Variants in SSPN observed in about 807,000 individuals in gnomAD.
SSPN encodes sarcospan, also known as K-ras oncogene-associated protein.
A neutral mutation model predicts 19.1 loss-of-function variants in SSPN; 15 were observed. That is an observed-to-expected ratio of 0.78 (90% CI 0.52 to 1.21). The LOEUF (loss-of-function observed/expected upper bound fraction) is 1.21. Among genes scored for constraint, SSPN ranks in the 50% most tolerant of loss-of-function variants. The probability of loss-of-function intolerance (pLI) is 0.00; values close to 1 mark genes in which losing one functional copy is unlikely to be tolerated. For synonymous variants in SSPN, 147 were observed against 140.3 expected (o/e 1.05, Z -0.34); for missense variants, 291 against 314.0 (o/e 0.93, Z 0.55).
intron 1 of SSPN, among the ~76,000 whole-genome samples, chr12:26,157,725 T>C (rs1020700826): frequency 1.3e-5 from 2 of 152,204 alleles, no homozygotes; most frequent in Admixed American, 1.3e-4. Context: ...CATTCTGCTC[T>C]GACAAAATTA....
chr12:26,173,537 G>T (rs1233037270), intron 1 of SSPN, among the ~76,000 whole-genome samples: 1 of 152,076 alleles, frequency 6.6e-6, no homozygotes, highest in Non-Finnish European at 1.5e-5. Flanking sequence ...TTCATATGCT[G>T]ATATCTTCTT....
At chr12:26,125,311 G>A in intron 1 of SSPN, 1 of 222,698 alleles carries the variant, frequency 4.5e-6, no homozygotes, top group Non-Finnish European at 9.0e-6. Context: ...AGGGGTGCGG[G>A]GCAGCCTGAG....
At chr12:26,195,156 A>G (rs1438351888), upstream of SSPN, among the ~76,000 whole-genome samples, 1 of 152,218 alleles carries the variant, frequency 6.6e-6, no homozygotes, top group Admixed American at 6.5e-5. Flanking sequence ...TAGGAAAGTA[A>G]CAACGACTTA....
At chr12:26,156,181 G>A (rs993889346) in intron 1 of SSPN, among the ~76,000 whole-genome samples, 2 of 152,166 alleles carry the variant, frequency 1.3e-5, no homozygotes, top group Admixed American at 6.5e-5. Flanking sequence ...GTTCACACCA[G>A]AACTCCGTGA....
chr12:26,163,032 C>CTGT (rs1555177121), intron 1 of SSPN, among the ~76,000 whole-genome samples: 2 of 145,966 alleles, frequency 1.4e-5, no homozygotes, highest in African/African-American at 5.2e-5. Context: ...TGCTTCAAGA[C>CTGT]GTGTGTGTGT....
chr12:26,124,035 C>T (rs369498804), intron 1 of SSPN: 1 of 1,374,556 alleles, frequency 7.3e-7, no homozygotes, highest in Non-Finnish European at 1.0e-6. Context: ...TTAACACGCC[C>T]TTGGAGAGCA....
intron 1 of SSPN, among the ~76,000 whole-genome samples, chr12:26,152,707 C>T (rs1944532677): frequency 6.6e-6 from 1 of 152,184 alleles, no homozygotes; most frequent in African/African-American, 2.4e-5. Context: ...ATCTGTGTCT[C>T]ATAGTCCACT....
At chr12:26,136,510 G>T (rs1000204354) in intron 1 of SSPN, among the ~76,000 whole-genome samples, 3 of 152,140 alleles carry the variant, frequency 2.0e-5, no homozygotes, top group Non-Finnish European at 4.4e-5. Context: ...ATGACAATGC[G>T]CAGAGAACAC....
intron 1 of SSPN, among the ~76,000 whole-genome samples, chr12:26,158,930 G>A (rs1354760360): frequency 1.3e-5 from 2 of 152,248 alleles, no homozygotes; most frequent in Non-Finnish European, 2.9e-5. Context: ...CTGGGGTCAG[G>A]ATACCTTCCA....
intron 1 of SSPN, among the ~76,000 whole-genome samples, chr12:26,217,506 T>G (rs1196195819): frequency 4.0e-5 from 3 of 74,648 alleles, no homozygotes; most frequent in African/African-American, 1.8e-4. Flanking sequence ...AGATATACAA[T>G]CATGTCGTCT....
chr12:26,192,093 A>G (rs1565682743), upstream of SSPN, among the ~76,000 whole-genome samples: 1 of 152,254 alleles, frequency 6.6e-6, no homozygotes, highest in East Asian at 1.9e-4. Flanking sequence ...CTTCTGATGC[A>G]TAAATACTTC....
At chr12:26,150,867 A>G (rs1003722585) in intron 1 of SSPN, among the ~76,000 whole-genome samples, 9 of 152,214 alleles carry the variant, frequency 5.9e-5, no homozygotes, top group Non-Finnish European at 1.2e-4. Flanking sequence ...TGGGAAAGTC[A>G]GAGCCAGGCC....
At chr12:26,174,828 A>G (rs1944674860) in intron 1 of SSPN, among the ~76,000 whole-genome samples, 1 of 151,816 alleles carries the variant, frequency 6.6e-6, no homozygotes, top group Admixed American at 6.6e-5. Context: ...GCCTCCCCCT[A>G]CCATTTCTAG....
chr12:26,214,206 C>T (rs575020707), intron 1 of SSPN, among the ~76,000 whole-genome samples: 1 of 152,292 alleles, frequency 6.6e-6, no homozygotes, highest in Admixed American at 6.5e-5. Context: ...ATGACTAAGT[C>T]ACGGTCCCCC....
chr12:26,180,820 A>G (rs1352566907), intron 1 of SSPN: 3 of 152,250 alleles, frequency 2.0e-5, no homozygotes, highest in Non-Finnish European at 2.9e-5. Context: ...TCTCCAAGCT[A>G]AAGCATCTAT....
In SSPN at chr12:26,195,658, C is replaced by CCCCCCCCCCCCCCCCCCGGGG; in HGVS notation, c.-15_-14insCCCCCCCCCCCCCCCCCGGGG. 2 of 1,301,098 alleles carry CCCCCCCCCCCCCCCCCCGGGG rather than the reference C, an allele frequency of 1.5e-6. No homozygotes were observed. Among genetic ancestry groups the CCCCCCCCCCCCCCCCCCGGGG allele is most frequent in the South Asian group, 2.2e-5 (1 of 45,340 alleles). 80.6% of individuals were successfully genotyped at this position (1,301,098 alleles called of 1,614,324 possible). A position where few individuals can be genotyped will look rare whatever the true frequency, so the allele number is the denominator to read the frequency against. On this transcript the variant is annotated 5_prime_UTR_variant, in exon 1 of 3. Coordinates refer to ENST00000242729, the MANE Select transcript of SSPN (RefSeq NM_005086.5). ...CCGCACACGCACCCACCCACCCACC[C>CCCCCCCCCCCCCCCCCCGGGG]AGCCTCGCAGCGCCATGGGCAAGAA...
chr12:26,171,134 C>T (rs1331410969), intron 1 of SSPN, among the ~76,000 whole-genome samples: 1 of 152,152 alleles, frequency 6.6e-6, no homozygotes, highest in East Asian at 1.9e-4. Flanking sequence ...TCCTTCATGT[C>T]CTCTAGAATA....
At chr12:26,174,178 G>A (rs1944669359) in intron 1 of SSPN, among the ~76,000 whole-genome samples, 1 of 152,076 alleles carries the variant, frequency 6.6e-6, no homozygotes, top group Non-Finnish European at 1.5e-5. Flanking sequence ...CATGAGAAAT[G>A]TTAGGCATTA....
chr12:26,163,408 CTGTT>C (rs1396960664), intron 1 of SSPN, among the ~76,000 whole-genome samples: 1 of 152,112 alleles, frequency 6.6e-6, no homozygotes, highest in Non-Finnish European at 1.5e-5. Flanking sequence ...TTGTTTTAGT[CTGTT>C]TGTGCTGCTC....
Sources: allele counts gnomAD v4.1 joint callset (sites outside exome capture counted in the v4.1 genomes callset), GRCh38; gene constraint gnomAD v4.1.1; transcripts MANE v1.5; gene names NCBI Gene and HGNC (gene_info 2026-07-23, HGNC 2026-07-21).